LRRN1: variants seen among roughly 807,000 people sequenced by gnomAD.
LRRN1 encodes leucine-rich repeat neuronal protein 1.
A neutral mutation model predicts 45.8 loss-of-function variants in LRRN1; 14 were observed. The ratio of observed to expected loss-of-function variants is 0.31; its 90% CI spans 0.20 to 0.48. The LOEUF is 0.48. Among genes scored for constraint, LRRN1 ranks in the 20% least tolerant of loss-of-function variants. The probability of loss-of-function intolerance (pLI) is 0.99; values close to 1 mark genes in which losing one functional copy is unlikely to be tolerated. For synonymous variants in LRRN1, 359 were observed against 330.1 expected (o/e 1.09, Z -0.95); for missense variants, 789 against 874.2 (o/e 0.90, Z 1.23).
rs776568420 is a variant in LRRN1, at chr3:3,845,483, G to A, written c.842G>A (p.Gly281Glu). The change falls in exon 2 of 2, where the codon GGG (glycine) becomes GAG (glutamate). Residue 281 changes from glycine (G) to glutamate (E), a missense_variant. Transcript: ENST00000319331. The surrounding 1 kb of genome is among the most constrained non-coding windows in gnomAD (Gnocchi z 6.5). ...NKNPIHKIQEGDFKNMLRLKE... is the reference protein window; with the variant it reads ...NKNPIHKIQEEDFKNMLRLKE... Reference sequence around the variant, plus strand: ...AACCCCATTCACAAAATCCAAGAAGGGGACTTCAAAAATATGCTTCGGTTA... The same window carrying A: ...AACCCCATTCACAAAATCCAAGAAGAGGACTTCAAAAATATGCTTCGGTTA... 1.1e-5 allele frequency: 17 copies of A among 1,613,890 alleles called. No individual in the cohort carries two copies. The highest frequency in any genetic ancestry group is 1.7e-6 in the Non-Finnish European group (2 of 1,180,004).
intron 1 of LRRN1, among the ~76,000 whole-genome samples, chr3:3,834,564 T>TATATATATATATATA: frequency 9.1e-6 from 1 of 110,390 alleles, no homozygotes; most frequent in Non-Finnish European, 1.9e-5. Flanking sequence ...GATATATATA[T>TATATATATATATATA]TATTATACAT....
chr3:3,804,376 A>T (rs1360190254), intron 1 of LRRN1, among the ~76,000 whole-genome samples: 1 of 152,218 alleles, frequency 6.6e-6, no homozygotes. Flanking sequence ...TCAACATTTA[A>T]CTTATATGGA....
Position 3,844,393 on chromosome 3 carries a change from A to C in LRRN1, c.-249A>C, listed in dbSNP as rs1693709646. 1 of 419,382 alleles carries C rather than the reference A, an allele frequency of 2.4e-6. No homozygotes were observed. Among genetic ancestry groups the C allele is most frequent in the African/African-American group, 2.0e-5 (1 of 49,748 alleles). The allele number at this position is 419,382 out of a possible 1,614,324, so 26.0% of individuals were successfully genotyped here. A position where few individuals can be genotyped will look rare whatever the true frequency, so the allele number is the denominator to read the frequency against. On this transcript the variant is annotated 5_prime_UTR_variant, in exon 2 of 2. Transcript: ENST00000319331. ...ATCTCCAGACTTCAATTTGGCTGAAATAATTCATGCCACGGACCTGTGCAC... is the reference window on the plus strand; with the variant it reads ...ATCTCCAGACTTCAATTTGGCTGAACTAATTCATGCCACGGACCTGTGCAC...
intron 1 of LRRN1, among the ~76,000 whole-genome samples, chr3:3,828,636 T>C (rs867569106): frequency 2.8e-4 from 43 of 152,244 alleles, no homozygotes; most frequent in South Asian, 2.1e-3. Context: ...AATGAGGTCA[T>C]AATTACACCT....
intron 1 of LRRN1, among the ~76,000 whole-genome samples, chr3:3,830,273 C>T (rs1383990659): frequency 6.6e-6 from 1 of 152,222 alleles, no homozygotes. Flanking sequence ...CATACCTCCT[C>T]CCCAAATTTC....
In LRRN1 at chr3:3,835,047, T is replaced by C. The variant is rs189937601; in HGVS notation, c.-278-9317T>C. 9.8e-5 allele frequency among the ~76,000 whole-genome samples: 15 copies of C among 152,298 alleles called. No individual in the cohort carries two copies. In the East Asian group the frequency reaches 2.3e-3, roughly 24 times the overall value. ...TTTTTACATAAGTACTTTTTTGTTA[T>C]CATAATTTACATGTATGAACCATAT... On this transcript the variant is annotated intron_variant, in intron 1 of 1. Transcript: ENST00000319331.
intron 1 of LRRN1, among the ~76,000 whole-genome samples, chr3:3,823,208 T>C (rs17037382): frequency 0.15 from 23,221 of 152,134 alleles, 1,935 homozygotes; most frequent in African/African-American, 0.23. Flanking sequence ...ATTGGGGGTT[T>C]TTGGGATGAC....
chr3:3,844,426 G>C lies in LRRN1; in HGVS notation c.-216G>C. ...TGCCACGGACCTGTGCACATGCCTG[G>C]AATTGAGAGACACAGTTAAAAGACT... On this transcript the variant is annotated 5_prime_UTR_variant, in exon 2 of 2. Transcript: ENST00000319331. 1.9e-6 allele frequency: 1 copy of C among 521,860 alleles called. No homozygotes were observed. Among genetic ancestry groups the C allele is most frequent in the South Asian group, 2.9e-5 (1 of 34,766 alleles). The allele number at this position is 521,860 out of a possible 1,614,324, so 32.3% of individuals were successfully genotyped here. A position where few individuals can be genotyped will look rare whatever the true frequency, so the allele number is the denominator to read the frequency against.
intron 1 of LRRN1, among the ~76,000 whole-genome samples, chr3:3,838,433 G>T (rs1242519755): frequency 6.6e-6 from 1 of 152,126 alleles, no homozygotes. Flanking sequence ...TTTGTCAATG[G>T]ACATTTGGGC....
At chr3:3,824,176 G>A (rs1693167468) in intron 1 of LRRN1, among the ~76,000 whole-genome samples, 1 of 152,196 alleles carries the variant, frequency 6.6e-6, no homozygotes, top group Admixed American at 6.5e-5. Flanking sequence ...AAAGAATAGA[G>A]ATGATCATAC....
chr3:3,823,748 C>T (rs1257772339), intron 1 of LRRN1, among the ~76,000 whole-genome samples: 1 of 152,130 alleles, frequency 6.6e-6, no homozygotes, highest in Admixed American at 6.5e-5. Context: ...GCTCTGTCTG[C>T]CTCTTGAGAC....
rs1329416113 is a variant in LRRN1 at position 3,834,742 on chromosome 3, G to A, written c.-278-9622G>A. ...CTGAAGAACTTGGAGTCTGATGTTCGAGGGCAGGAAGCATCCAGCACAGGA... is the reference window on the plus strand; with the variant it reads ...CTGAAGAACTTGGAGTCTGATGTTCAAGGGCAGGAAGCATCCAGCACAGGA... On this transcript the variant is annotated intron_variant, in intron 1 of 1. Transcript: ENST00000319331. Among the ~76,000 whole-genome samples the A allele has an allele frequency of 8.6e-5, 13 of 151,244 alleles. No homozygotes were observed. The South Asian group carries it at 1.3e-3, about 15-fold the overall frequency.
At chr3:3,801,834 G>A (rs529960186) in intron 1 of LRRN1, among the ~76,000 whole-genome samples, 1 of 152,222 alleles carries the variant, frequency 6.6e-6, no homozygotes, top group South Asian at 2.1e-4. Flanking sequence ...GAAAAGGTTT[G>A]TGTGAAGCAG....
At chr3:3,806,752 G>A (rs1388907493) in intron 1 of LRRN1, among the ~76,000 whole-genome samples, 1 of 152,202 alleles carries the variant, frequency 6.6e-6, no homozygotes, top group African/African-American at 2.4e-5. Context: ...ATAACATCCT[G>A]AGAAACCAAA....
intron 1 of LRRN1, among the ~76,000 whole-genome samples, chr3:3,824,990 T>A (rs1693186995): frequency 6.6e-6 from 1 of 152,192 alleles, no homozygotes; most frequent in Admixed American, 6.5e-5. Context: ...GCTAGCCTGC[T>A]TGCTTTTGAT....
At chr3:3,801,515 C>T (rs1692651926) in intron 1 of LRRN1, among the ~76,000 whole-genome samples, 1 of 152,096 alleles carries the variant, frequency 6.6e-6, no homozygotes. Flanking sequence ...GGCTCCAGGG[C>T]CATATGTGTC....
chr3:3,811,395 C>T (rs527476018), intron 1 of LRRN1, among the ~76,000 whole-genome samples: 2 of 152,216 alleles, frequency 1.3e-5, no homozygotes, highest in East Asian at 1.9e-4. Context: ...AAGGCTATGA[C>T]TGAGTCTTAG....
At chr3:3,823,581 ATGATC>A (rs2106459585) in intron 1 of LRRN1, among the ~76,000 whole-genome samples, 1 of 152,224 alleles carries the variant, frequency 6.6e-6, no homozygotes, top group Admixed American at 6.5e-5. Context: ...AAATCCTGCT[ATGATC>A]CACTGCTCAA....
At chr3:3,829,112 T>A (rs1334360097) in intron 1 of LRRN1, among the ~76,000 whole-genome samples, 1 of 152,084 alleles carries the variant, frequency 6.6e-6, no homozygotes, top group Non-Finnish European at 1.5e-5. Flanking sequence ...CACAGGACAT[T>A]GTAATACTAA....
Sources: gnomAD v4.1 joint callset for allele counts (sites outside exome capture counted in the v4.1 genomes callset) on GRCh38, gnomAD v4.1.1 for gene constraint, Gnocchi (gnomAD v3.1) non-coding constraint, MANE v1.5 for transcripts, NCBI Gene and HGNC (gene_info 2026-07-23, HGNC 2026-07-21) for gene names.